RTTN: variants seen among roughly 807,000 people sequenced by gnomAD.
The protein encoded by RTTN is rotatin.
A neutral mutation model predicts 269.2 loss-of-function variants in RTTN; 182 were observed. The observed-to-expected ratio is 0.68, with a 90% confidence interval of 0.60 to 0.76. The LOEUF (loss-of-function observed/expected upper bound fraction) is 0.76. RTTN is among the 30% of genes least tolerant of loss of function. The pLI is 0.00. For synonymous variants in RTTN, 1,006 were observed against 963.5 expected, an observed-to-expected ratio of 1.04 and a Z score of -0.82; for missense variants, 2,545 against 2,608.6, an observed-to-expected ratio of 0.98 and a Z score of 0.53.
intron 11 of RTTN, among the ~76,000 whole-genome samples, chr18:70,174,412 T>C (rs768058149): frequency 6.6e-6 from 1 of 152,072 alleles, no homozygotes; most frequent in East Asian, 1.9e-4. Context: ...ATGAAACTCG[T>C]GAAACTATAA....
intron 28 of RTTN, among the ~76,000 whole-genome samples, chr18:70,101,510 A>C (rs1221286315): frequency 6.6e-6 from 1 of 151,526 alleles, no homozygotes; most frequent in Non-Finnish European, 1.5e-5. Flanking sequence ...TATTTTGTTG[A>C]TCTTTTCAAA....
intron 41 of RTTN, 74 bp from the exon 42 acceptor site, chr18:70,030,183 G>T (rs1453813840): frequency 2.1e-6 from 2 of 949,666 alleles, no homozygotes; most frequent in Non-Finnish European, 3.2e-6. Flanking sequence ...ATACCAATCA[G>T]ATTCTCAAAA....
chr18:70,100,194 G>A (rs1461745383), intron 28 of RTTN, among the ~76,000 whole-genome samples: 2 of 152,240 alleles, frequency 1.3e-5, no homozygotes, highest in African/African-American at 4.8e-5. Context: ...TCATGATATT[G>A]ATTCTTCCTA....
intron 11 of RTTN, among the ~76,000 whole-genome samples, chr18:70,170,154 A>C (rs2061100364): frequency 1.3e-5 from 2 of 152,266 alleles, no homozygotes; most frequent in Middle Eastern, 3.4e-3. Context: ...GGGAGGAAAA[A>C]GAGAAACTCA....
At chr18:70,004,424 A>G (rs1435256451) in intron 48 of RTTN, among the ~76,000 whole-genome samples, 188 bp from the exon 49 acceptor site, 2 of 152,150 alleles carry the variant, frequency 1.3e-5, no homozygotes, top group South Asian at 2.1e-4. Context: ...CAAAATCAAT[A>G]TTTTTTTAAA....
intron 21 of RTTN, among the ~76,000 whole-genome samples, chr18:70,137,658 T>C (rs1183843269): frequency 6.6e-6 from 1 of 152,132 alleles, no homozygotes; most frequent in Non-Finnish European, 1.5e-5. Context: ...CGGCTCCATC[T>C]AGAAGTCAAT....
intron 28 of RTTN, among the ~76,000 whole-genome samples, chr18:70,108,541 A>C (rs1005441015): frequency 6.6e-6 from 1 of 152,212 alleles, no homozygotes; most frequent in Non-Finnish European, 1.5e-5. Flanking sequence ...CAAATTCTTT[A>C]AGAGAAAAAA....
At chr18:70,101,695 C>T (rs1470939152) in intron 28 of RTTN, among the ~76,000 whole-genome samples, 2 of 152,128 alleles carry the variant, frequency 1.3e-5, no homozygotes, top group African/African-American at 2.4e-5. Context: ...ATCTTTCCTG[C>T]TTTCTCCTGT....
At chr18:70,079,615 A>C (rs2058512549) in intron 32 of RTTN, among the ~76,000 whole-genome samples, 1 of 152,132 alleles carries the variant, frequency 6.6e-6, no homozygotes, top group East Asian at 1.9e-4. Flanking sequence ...CTGTATCATG[A>C]CTAGCCTTGC....
chr18:70,146,747 C>T (rs1382010417), intron 17 of RTTN, among the ~76,000 whole-genome samples: 2 of 152,144 alleles, frequency 1.3e-5, no homozygotes, highest in Non-Finnish European at 2.9e-5. Flanking sequence ...GGGCAGGGCC[C>T]ATGTCTGTGT....
chr18:70,205,503 G>T, intron 1 of RTTN, 125 bp downstream of exon 1: 2 of 1,413,244 alleles, frequency 1.4e-6, no homozygotes, highest in Non-Finnish European at 2.0e-6. Flanking sequence ...GGGCTATCCT[G>T]ACAAAGCGGG....
At chr18:70,042,520 T>G (rs551353670) in intron 40 of RTTN, among the ~76,000 whole-genome samples, 2 of 151,982 alleles carry the variant, frequency 1.3e-5, no homozygotes, top group East Asian at 3.9e-4. Context: ...GGACTACAGG[T>G]GCCCGCCGCC....
In RTTN at chr18:70,148,990, T is replaced by A. The variant is rs759951311; in HGVS notation, c.2220A>T (p.Leu740=). The part of the protein sequence containing the change: ...EDPLGNCILL[L]SKASSDTEEM... The stretch of plus-strand genomic sequence containing the variant: ...CTTCTGTGTCAGAACTTGCTTTGCT[T>A]AGAAGGAGAATGCAGTTACCCAGAG... Residue 740 remains leucine (L), a synonymous_variant, in exon 17 of 49, where the codon CTA becomes CTT. Coordinates refer to ENST00000640769, the MANE Select transcript of RTTN (RefSeq NM_173630.4). 1.4e-5 allele frequency: 23 copies of A among 1,613,432 alleles called. No individual in the cohort carries two copies. In the East Asian group the frequency reaches 5.1e-4, roughly 36 times the overall value.
chr18:70,024,126 T>G (rs1433769047), intron 44 of RTTN, among the ~76,000 whole-genome samples: 1 of 152,158 alleles, frequency 6.6e-6, no homozygotes, highest in East Asian at 1.9e-4. Context: ...CTCACCAGCT[T>G]ACAACTGCCA....
chr18:70,168,495 A>G (rs990538384), intron 12 of RTTN, among the ~76,000 whole-genome samples: 3 of 152,204 alleles, frequency 2.0e-5, no homozygotes, highest in Non-Finnish European at 4.4e-5. Context: ...GTCTACAAGT[A>G]AGCACTAAAA....
Position 70,047,966 on chromosome 18 carries a change from C to A in RTTN, c.5541+5G>T, listed in dbSNP as rs746392032. 6.2e-7 allele frequency: 1 copy of A among 1,607,582 alleles called. No individual in the cohort carries two copies. Among genetic ancestry groups the A allele is most frequent in the East Asian group, 2.2e-5 (1 of 44,842 alleles). On this transcript the variant is annotated splice_donor_5th_base_variant and intron_variant, in intron 40 of 48. Transcript: ENST00000640769. ...AAGTTTTTGAAAAACCAAGAAATGA[C>A]GTACCTGAAGGATTACATCACTAAG...
At chr18:70,172,438 C>G (rs1225017161) in intron 11 of RTTN, among the ~76,000 whole-genome samples, 1 of 152,142 alleles carries the variant, frequency 6.6e-6, no homozygotes, top group Admixed American at 6.5e-5. Context: ...GGCAGCATAA[C>G]CTTACATTTA....
intron 10 of RTTN, among the ~76,000 whole-genome samples, chr18:70,184,705 TTTTTTTTTTTTTGTGTGTG>T (rs1354254454): frequency 2.0e-5 from 1 of 49,010 alleles, no homozygotes; most frequent in Non-Finnish European, 3.8e-5. Flanking sequence ...CACAGCAGGT[TTTTTTTTTTTTTGTGTGTG>T]TGTGTGTGTG....
intron 34 of RTTN, among the ~76,000 whole-genome samples, chr18:70,073,603 G>A (rs543463909): frequency 6.6e-6 from 1 of 152,286 alleles, no homozygotes; most frequent in East Asian, 1.9e-4. Context: ...GATATTCAGT[G>A]TAGCTATACC....
Sources: allele counts gnomAD v4.1 joint callset (sites outside exome capture counted in the v4.1 genomes callset), GRCh38; gene constraint gnomAD v4.1.1; transcripts MANE v1.5; gene names NCBI Gene and HGNC (gene_info 2026-07-23, HGNC 2026-07-21).